ZFYVE28: variants seen among roughly 807,000 people sequenced by gnomAD.
ZFYVE28 encodes the protein zinc finger FYVE-type containing 28.
ZFYVE28 carries 40 observed loss-of-function variants against 82.1 expected under a neutral mutation model. The ratio of observed to expected loss-of-function variants is 0.49; its 90% CI spans 0.38 to 0.63. The LOEUF (loss-of-function observed/expected upper bound fraction) is 0.63. Ranked by LOEUF, ZFYVE28 falls within the 30% of genes least tolerant of loss-of-function variation. The pLI, the probability that ZFYVE28 is intolerant of heterozygous loss-of-function variation, is 0.00. For missense variants in ZFYVE28, 1,321 were observed against 1,242.1 expected (o/e 1.06, Z -0.96); for synonymous variants, 612 against 546.1 (o/e 1.12, Z -1.68).
intron 2 of ZFYVE28, among the ~76,000 whole-genome samples, chr4:2,348,287 T>G (rs1253419655): frequency 2.6e-5 from 4 of 152,208 alleles, no homozygotes; most frequent in African/African-American, 9.6e-5. Context: ...AAACCCTATA[T>G]TTATTCAAGA....
intron 1 of ZFYVE28, among the ~76,000 whole-genome samples, chr4:2,399,843 C>A (rs3128782): frequency 6.6e-6 from 1 of 152,126 alleles, no homozygotes; most frequent in Non-Finnish European, 1.5e-5. Context: ...GTACCAGTCA[C>A]GTGGGCCACA....
At chr4:2,271,076 T>C (rs1577836442) in intron 12 of ZFYVE28, 1 of 750,308 alleles carries the variant, frequency 1.3e-6, no homozygotes, top group East Asian at 2.7e-5. Flanking sequence ...ACACTCGCTG[T>C]CCCCTCTCTG....
intron 6 of ZFYVE28, among the ~76,000 whole-genome samples, chr4:2,321,389 T>C (rs1719050544): frequency 6.6e-6 from 1 of 152,118 alleles, no homozygotes; most frequent in Admixed American, 6.5e-5. Flanking sequence ...TAAAAATCGT[T>C]GGGTTTCATG....
Position 2,335,122 on chromosome 4 carries a change from C to G in ZFYVE28, c.701+583G>C, listed in dbSNP as rs79592795. ...CGTCCTTGAGCCCCACAGGACCCTA[C>G]AGGCTGCCTTGAGTTCCCTGCTCTC... is the stretch of plus-strand genomic sequence containing the variant. On this transcript the variant is annotated intron_variant, in intron 6 of 12. Coordinates refer to ENST00000290974, the MANE Select transcript of ZFYVE28 (RefSeq NM_020972.3). The surrounding 1 kb of genome is among the most constrained non-coding windows in gnomAD (Gnocchi z 5.8). Among the ~76,000 whole-genome samples the G allele has an allele frequency of 6.6e-6, 1 of 151,534 alleles. No individual in the cohort carries two copies. The highest frequency in any genetic ancestry group is 1.5e-5 in the Non-Finnish European group (1 of 67,878).
At chr4:2,308,704 AAAAAG>A (rs1490329645) in intron 7 of ZFYVE28, among the ~76,000 whole-genome samples, 9 of 124,688 alleles carry the variant, frequency 7.2e-5, no homozygotes, top group Non-Finnish European at 9.8e-5. Context: ...AAAGAAAAGA[AAAAAG>A]AAAAGAAAAG....
At chr4:2,277,764 A>G (rs1736604605) in intron 8 of ZFYVE28, among the ~76,000 whole-genome samples, 1 of 152,238 alleles carries the variant, frequency 6.6e-6, no homozygotes, top group African/African-American at 2.4e-5. Context: ...GACTCCCCAA[A>G]TCGATCTACA....
At chr4:2,274,951 C>A (rs934870924) in intron 8 of ZFYVE28, among the ~76,000 whole-genome samples, 13 of 152,230 alleles carry the variant, frequency 8.5e-5, no homozygotes, top group Admixed American at 7.2e-4. Flanking sequence ...CCTCCGACTG[C>A]GAGACAGTTT....
At position 2,417,060 on chromosome 4, in the gene ZFYVE28, G is replaced by A. The variant is rs1733132351; in HGVS notation, c.39+1225C>T. Reference sequence around the variant, plus strand: ...CTGCCGTGACAGCTCACCCACGGTGGAGGCGGAGGCCTGGGACGCTGGACG... The same window carrying A: ...CTGCCGTGACAGCTCACCCACGGTGAAGGCGGAGGCCTGGGACGCTGGACG... On this transcript the variant is annotated intron_variant, in intron 1 of 12. Coordinates refer to ENST00000290974, the MANE Select transcript of ZFYVE28 (RefSeq NM_020972.3). The surrounding 1 kb of genome is among the most constrained non-coding windows in gnomAD (Gnocchi z 4.8). 6.6e-6 allele frequency among the ~76,000 whole-genome samples: 1 copy of A among 152,234 alleles called. No individual in the cohort carries two copies. The highest frequency in any genetic ancestry group is 6.5e-5 in the Admixed American group (1 of 15,292).
At chr4:2,367,865 C>G (rs1242687116) in intron 1 of ZFYVE28, among the ~76,000 whole-genome samples, 1 of 152,176 alleles carries the variant, frequency 6.6e-6, no homozygotes, top group Non-Finnish European at 1.5e-5. Context: ...TTAAGACACC[C>G]AGGGTGGTTG....
intron 4 of ZFYVE28, among the ~76,000 whole-genome samples, chr4:2,337,777 G>A (rs1171640548): frequency 6.6e-6 from 1 of 152,100 alleles, no homozygotes; most frequent in Non-Finnish European, 1.5e-5. Context: ...AGGCTGAGGT[G>A]GGAGGATCAC....
chr4:2,412,071 G>A (rs1042904045), intron 1 of ZFYVE28, among the ~76,000 whole-genome samples: 3 of 152,300 alleles, frequency 2.0e-5, no homozygotes, highest in Non-Finnish European at 2.9e-5. Context: ...GGGGCAGGGC[G>A]CATCCTTCAT....
intron 7 of ZFYVE28, among the ~76,000 whole-genome samples, chr4:2,309,992 A>G (rs4974650): frequency 2.6e-5 from 4 of 152,070 alleles, no homozygotes; most frequent in Admixed American, 2.0e-4. Context: ...CAAAACATCA[A>G]TTTGATTTCC....
intron 1 of ZFYVE28, among the ~76,000 whole-genome samples, chr4:2,378,501 C>G (rs1728396210): frequency 6.6e-6 from 1 of 152,226 alleles, no homozygotes; most frequent in Admixed American, 6.5e-5. Flanking sequence ...GCTACCATTT[C>G]TTCAAATACA....
chr4:2,377,691 C>T (rs888841705), intron 1 of ZFYVE28, among the ~76,000 whole-genome samples: 10 of 152,194 alleles, frequency 6.6e-5, no homozygotes, highest in Non-Finnish European at 1.2e-4. Context: ...TTCCATTTCT[C>T]GTAGTTACTC....
chr4:2,347,594 T>C (rs983228507), intron 2 of ZFYVE28, among the ~76,000 whole-genome samples: 4 of 152,186 alleles, frequency 2.6e-5, no homozygotes, highest in Admixed American at 6.6e-5. Context: ...GGAATTAAAT[T>C]AGAAATCATT....
In ZFYVE28 at chr4:2,416,634, A is replaced by C. The variant is rs975584400; in HGVS notation, c.39+1651T>G. ...GAGGCACATGGGGGCAGCAGGCAGGACCGAGAGGGGCTCGAAGGCGCCGCA... is the reference window on the plus strand; with the variant it reads ...GAGGCACATGGGGGCAGCAGGCAGGCCCGAGAGGGGCTCGAAGGCGCCGCA... On this transcript the variant is annotated intron_variant, in intron 1 of 12. Transcript: ENST00000290974. The surrounding 1 kb of genome is among the most constrained non-coding windows in gnomAD (Gnocchi z 4.6). 2.0e-5 allele frequency among the ~76,000 whole-genome samples: 3 copies of C among 152,200 alleles called. No individual in the cohort carries two copies. Among genetic ancestry groups the C allele is most frequent in the African/African-American group, 7.2e-5 (3 of 41,454 alleles).
chr4:2,338,262 C>A (rs987117005), intron 4 of ZFYVE28, among the ~76,000 whole-genome samples: 5 of 152,228 alleles, frequency 3.3e-5, no homozygotes, highest in African/African-American at 1.2e-4. Flanking sequence ...TCCAACCCTT[C>A]CCCAGATGAG....
At chr4:2,344,635 G>C (rs73203402) in intron 2 of ZFYVE28, among the ~76,000 whole-genome samples, 2 of 152,278 alleles carry the variant, frequency 1.3e-5, no homozygotes, top group East Asian at 3.9e-4. Flanking sequence ...AGTGGCTCAC[G>C]CCTGTAATCC....
At chr4:2,406,062 A>AAAAAAG (rs1553867781) in intron 1 of ZFYVE28, among the ~76,000 whole-genome samples, 1 of 125,072 alleles carries the variant, frequency 8.0e-6, no homozygotes, top group Non-Finnish European at 1.6e-5. Context: ...AAAAAAAAAA[A>AAAAAAG]AAAGAAAGAA....
Sources: allele counts gnomAD v4.1 joint callset (sites outside exome capture counted in the v4.1 genomes callset), GRCh38; gene constraint gnomAD v4.1.1; non-coding constraint Gnocchi (gnomAD v3.1); transcripts MANE v1.5; gene names NCBI Gene and HGNC (gene_info 2026-07-23, HGNC 2026-07-21).